The following RNF125 variants were observed in gnomAD, a reference collection of about 807,000 sequenced individuals.
RNF125 encodes the protein ring finger protein 125.
In RNF125, 21 loss-of-function variants were observed where a neutral mutation model predicts 26.0. That is an observed-to-expected ratio of 0.81 (90% CI 0.57 to 1.16). The LOEUF is 1.16. Ranked by LOEUF, RNF125 falls within the 50% of genes most tolerant of loss-of-function variation. The probability of loss-of-function intolerance (pLI) is 0.00; values close to 1 mark genes in which losing one functional copy is unlikely to be tolerated. For synonymous variants in RNF125, 95 were observed against 109.2 expected, an observed-to-expected ratio of 0.87 and a Z score of 0.81; for missense variants, 270 against 299.4, an observed-to-expected ratio of 0.90 and a Z score of 0.72.
chr18:32,024,027 T>C (rs2039009287), intron 1 of RNF125, among the ~76,000 whole-genome samples: 4 of 152,172 alleles, frequency 2.6e-5, no homozygotes, highest in Admixed American at 2.6e-4. Flanking sequence ...GATTTACATA[T>C]CTTTTATAAC....
In RNF125 at chr18:32,065,980, AGTCAC is replaced by A. The variant is rs779140390; in HGVS notation, c.584_588del (p.Ser195AsnfsTer5). 2.0e-5 allele frequency: 33 copies of A among 1,610,146 alleles called. No homozygotes were observed. Among genetic ancestry groups the A allele is most frequent in the Non-Finnish European group, 2.6e-5 (31 of 1,176,494 alleles). ...CAGTTTAATAAGACATCTGCAAGTT[AGTCAC>A]ACTTTGTTTTATGATGATTTCATAG... On this transcript the variant is annotated frameshift_variant, in exon 5 of 6. Transcript: ENST00000217740. LOFTEE classifies it high-confidence loss of function.
the RNF125 span, among the ~76,000 whole-genome samples, chr18:32,087,407 G>GT: frequency 6.6e-6 from 1 of 151,920 alleles, no homozygotes; most frequent in African/African-American, 2.4e-5. Flanking sequence ...GCCCGGACTT[G>GT]TAAGTGGTGT....
downstream of RNF125, among the ~76,000 whole-genome samples, chr18:32,077,769 C>T (rs1327934303): frequency 6.6e-6 from 1 of 151,854 alleles, no homozygotes; most frequent in East Asian, 1.9e-4. Flanking sequence ...AGCATAATGT[C>T]TGGCATAGTG....
chr18:32,090,726 C>G, the RNF125 span, among the ~76,000 whole-genome samples: 1 of 152,222 alleles, frequency 6.6e-6, no homozygotes, highest in African/African-American at 2.4e-5. Context: ...GAGCAAAGTT[C>G]ATGACATCTG....
chr18:32,065,849 A>G, intron 4 of RNF125, 53 bp from the exon 5 acceptor site: 9 of 1,283,376 alleles, frequency 7.0e-6, no homozygotes, highest in East Asian at 2.3e-5. Context: ...TAATTCTAAC[A>G]CTAATAACGA....
rs529301475 is a variant in RNF125 at position 32,058,344 on chromosome 18, A to G, written c.505-7558A>G. 1.1e-3 allele frequency among the ~76,000 whole-genome samples: 149 copies of G among 136,218 alleles called. 3 individuals carry two copies. The East Asian group carries it at 0.026, about 24-fold the overall frequency. 89.4% of individuals were successfully genotyped at this position (136,218 alleles called of 152,430 possible). A position where few individuals can be genotyped will look rare whatever the true frequency, so the allele number is the denominator to read the frequency against. On this transcript the variant is annotated intron_variant, in intron 4 of 5. Transcript: ENST00000217740. Reference sequence around the variant, plus strand: ...CCTTTCTTTGTGTTACAAACAATCCAATTATACTCTTTTTTTTTTGAGAGG... The same window carrying G: ...CCTTTCTTTGTGTTACAAACAATCCGATTATACTCTTTTTTTTTTGAGAGG...
chr18:32,085,700 CAAAAA>C, the RNF125 span, among the ~76,000 whole-genome samples: 311 of 62,744 alleles, frequency 5.0e-3, 1 homozygote, highest in African/African-American at 0.019. Flanking sequence ...AACGACTTAT[CAAAAA>C]AAAAAAAAAA....
chr18:32,076,657 A>G (rs765301153), downstream of RNF125, among the ~76,000 whole-genome samples: 2 of 152,102 alleles, frequency 1.3e-5, no homozygotes, highest in African/African-American at 2.4e-5. Flanking sequence ...ATGCCCTTCA[A>G]TGAAAGCCCT....
intron 2 of RNF125, among the ~76,000 whole-genome samples, chr18:32,041,473 C>T (rs1289274081): frequency 2.0e-5 from 3 of 151,980 alleles, no homozygotes; most frequent in South Asian, 2.1e-4. Context: ...CTTTTTCCAT[C>T]TTAGATTGTT....
At chr18:32,019,125 C>A in intron 1 of RNF125, 98 bp downstream of exon 1, 1 of 1,433,044 alleles carries the variant, frequency 7.0e-7, no homozygotes, top group Non-Finnish European at 9.5e-7. Flanking sequence ...CGGAAGACAG[C>A]CTCTTAGGAA....
chr18:32,062,073 C>T (rs942223417), intron 4 of RNF125, among the ~76,000 whole-genome samples: 1 of 152,102 alleles, frequency 6.6e-6, no homozygotes, highest in Non-Finnish European at 1.5e-5. Context: ...TGATGTTTAC[C>T]TGGCACACTG....
At chr18:32,050,976 G>GC (rs1285708892) in intron 4 of RNF125, among the ~76,000 whole-genome samples, 1 of 133,958 alleles carries the variant, frequency 7.5e-6, no homozygotes, top group African/African-American at 2.8e-5. Context: ...GCTCTCCTCG[G>GC]CCCCGCAAAG....
chr18:32,033,907 T>C (rs2039124929), intron 1 of RNF125, among the ~76,000 whole-genome samples: 1 of 151,666 alleles, frequency 6.6e-6, no homozygotes, highest in South Asian at 2.1e-4. Context: ...TTAGTGACAG[T>C]GACTGATATC....
At chr18:32,029,063 G>T (rs1049372191) in intron 1 of RNF125, among the ~76,000 whole-genome samples, 19 of 152,118 alleles carry the variant, frequency 1.2e-4, no homozygotes, top group African/African-American at 4.6e-4. Flanking sequence ...TCTTTTGGAA[G>T]AACACTGTGC....
chr18:32,040,762 C>T (rs1017717034), intron 2 of RNF125, among the ~76,000 whole-genome samples: 15 of 152,090 alleles, frequency 9.9e-5, no homozygotes, highest in African/African-American at 3.4e-4. Context: ...TGTTAATTTT[C>T]ATGACTAATG....
chr18:32,033,110 A>AT (rs2039115206), intron 1 of RNF125, among the ~76,000 whole-genome samples: 1 of 152,208 alleles, frequency 6.6e-6, no homozygotes, highest in Non-Finnish European at 1.5e-5. Flanking sequence ...ATTGCCTGAC[A>AT]TGCTGGTAAC....
chr18:32,042,311 A>C (rs760207927), intron 3 of RNF125, 38 bp downstream of exon 3: 1 of 1,249,172 alleles, frequency 8.0e-7, no homozygotes, highest in Non-Finnish European at 1.1e-6. Context: ...GCTAAAATTG[A>C]TAATGTTTAT....
chr18:32,044,859 AC>A (rs1436338527), intron 3 of RNF125, among the ~76,000 whole-genome samples: 4 of 151,804 alleles, frequency 2.6e-5, no homozygotes, highest in African/African-American at 4.8e-5. Flanking sequence ...GGTGGCTCAC[AC>A]CCGAAATCTC....
At chr18:32,026,065 A>AC (rs1300568555) in intron 1 of RNF125, among the ~76,000 whole-genome samples, 2 of 126,108 alleles carry the variant, frequency 1.6e-5, no homozygotes, top group Non-Finnish European at 3.4e-5. Context: ...CTTAAAAAAA[A>AC]CTTTTTTTTT....
Sources: gnomAD v4.1 joint callset for allele counts (sites outside exome capture counted in the v4.1 genomes callset) on GRCh38, gnomAD v4.1.1 for gene constraint, MANE v1.5 for transcripts, NCBI Gene and HGNC (gene_info 2026-07-23, HGNC 2026-07-21) for gene names.